SMIM23: variants seen among roughly 807,000 people sequenced by gnomAD.
SMIM23 encodes CTB-78H18.1.
Under a neutral mutation model 12.8 loss-of-function variants are expected in SMIM23, and 10 were observed. The ratio of observed to expected loss-of-function variants is 0.78; its 90% CI spans 0.48 to 1.32. The LOEUF (loss-of-function observed/expected upper bound fraction) is 1.32. SMIM23 is among the 40% of genes most tolerant of loss of function. The pLI, the probability that SMIM23 is intolerant of heterozygous loss-of-function variation, is 0.00. For synonymous variants in SMIM23, 78 were observed against 80.1 expected (o/e 0.97, Z 0.14); for missense variants, 184 against 198.2 (o/e 0.93, Z 0.43).
chr5:171,778,387 A>G (rs1309071239), upstream of SMIM23, among the ~76,000 whole-genome samples: 1 of 150,242 alleles, frequency 6.7e-6, no homozygotes, highest in Non-Finnish European at 1.5e-5. Flanking sequence ...ATTTTCCTGG[A>G]TTATCCAAAG....
At chr5:171,774,636 G>T in the SMIM23 span, 3 of 431,698 alleles carry the variant, frequency 6.9e-6, no homozygotes, top group Non-Finnish European at 1.4e-5. Context: ...TCCTTCACAG[G>T]CTCCTTTGAA....
chr5:171,790,412 G>C, intron 2 of SMIM23, 70 bp from the exon 3 acceptor site: 1 of 1,519,956 alleles, frequency 6.6e-7, no homozygotes, highest in Non-Finnish European at 8.8e-7. Context: ...ATCACACTGG[G>C]ATAACTAACC....
upstream of SMIM23, among the ~76,000 whole-genome samples, chr5:171,778,872 G>A (rs1216106766): frequency 6.6e-6 from 1 of 152,194 alleles, no homozygotes; most frequent in Non-Finnish European, 1.5e-5. Flanking sequence ...TCTGCCTGTG[G>A]TATGCCCCTG....
At chr5:171,774,622 C>G in the SMIM23 span, 1 of 453,526 alleles carries the variant, frequency 2.2e-6, no homozygotes, top group Non-Finnish European at 4.4e-6. Context: ...CCCCACCCTC[C>G]AATTCCTTCA....
chr5:171,791,104 T>G lies in SMIM23; in HGVS notation c.*16T>G. ...AGAGCTCTGACTCTTGAAGTTCCAG[T>G]CAGGCAAGAAAATAAAGTAGTTGGG... On this transcript the variant is annotated 3_prime_UTR_variant, in exon 4 of 4. Transcript: ENST00000523047. The G allele has an allele frequency of 6.8e-7, 1 of 1,460,400 alleles. No homozygotes were observed. Among genetic ancestry groups the G allele is most frequent in the Non-Finnish European group, 9.0e-7 (1 of 1,113,590 alleles). 90.5% of individuals were successfully genotyped at this position (1,460,400 alleles called of 1,614,324 possible).
chr5:171,776,524 A>C, the SMIM23 span, among the ~76,000 whole-genome samples: 4 of 151,994 alleles, frequency 2.6e-5, no homozygotes, highest in Non-Finnish European at 5.9e-5. Context: ...CACATTTCAC[A>C]CCCACATGCA....
upstream of SMIM23, among the ~76,000 whole-genome samples, chr5:171,785,477 G>C (rs1755797979): frequency 6.7e-6 from 1 of 150,130 alleles, no homozygotes; most frequent in Non-Finnish European, 1.5e-5. Context: ...TCAAACTTCT[G>C]GACTCAAGCA....
At chr5:171,786,225 C>T (rs895863039) in intron 1 of SMIM23, among the ~76,000 whole-genome samples, 2 of 152,126 alleles carry the variant, frequency 1.3e-5, no homozygotes, top group Non-Finnish European at 2.9e-5. Context: ...TTGTTTAGTT[C>T]CCTGCTGAAT....
At chr5:171,785,719 A>G (rs895160578), upstream of SMIM23, 3 of 574,662 alleles carry the variant, frequency 5.2e-6, no homozygotes, top group Non-Finnish European at 3.1e-6. Flanking sequence ...ACTAAAAATC[A>G]GGGTGGTGGA....
the SMIM23 span, chr5:171,773,563 C>A: frequency 3.0e-6 from 1 of 337,760 alleles, no homozygotes; most frequent in Non-Finnish European, 5.7e-6. Flanking sequence ...GGTGCCCTCA[C>A]GGGGCAGACT....
chr5:171,784,860 AACT>A (rs1055696232), upstream of SMIM23, among the ~76,000 whole-genome samples: 6 of 152,354 alleles, frequency 3.9e-5, no homozygotes, highest in Admixed American at 3.9e-4. Flanking sequence ...AAAAAGAATG[AACT>A]ACTGATACAT....
rs1755911874 is a variant in SMIM23, at chr5:171,790,918, C to G, written c.349C>G (p.Leu117Val). Reference sequence around the variant, plus strand: ...GGAAGAGGTGCAGCAGCTGGAGCAGCTAGCGTGGGACCTGGAACTGTGGCT... The same window carrying G: ...GGAAGAGGTGCAGCAGCTGGAGCAGGTAGCGTGGGACCTGGAACTGTGGCT... ...LEEEVQQLEQLAWDLELWLDA... is the reference protein window; with the variant it reads ...LEEEVQQLEQVAWDLELWLDA... The change falls in exon 4 of 4, where the codon CTA becomes GTA. Residue 117 changes from leucine to valine, a missense_variant. By Grantham distance (32) the Leu-to-Val change is conservative. Transcript: ENST00000523047. 4 of 1,536,026 alleles carry G rather than the reference C, an allele frequency of 2.6e-6. No homozygotes were observed. Among genetic ancestry groups the G allele is most frequent in the Non-Finnish European group, 3.5e-6 (4 of 1,146,934 alleles).
chr5:171,785,846 C>T lies in SMIM23; in HGVS notation c.-26C>T. The T allele has an allele frequency of 6.5e-7, 1 of 1,528,438 alleles. No individual in the cohort carries two copies. The highest frequency in any genetic ancestry group is 8.8e-7 in the Non-Finnish European group (1 of 1,139,962). The allele number at this position is 1,528,438 out of a possible 1,614,324, so 94.7% of individuals were successfully genotyped here. On this transcript the variant is annotated 5_prime_UTR_variant, in exon 1 of 4. Transcript: ENST00000523047. ...TGCCCTTCTGTCTGTTGAGTGTGGTCCACCCAGGCAGCCAGATCTGAGGCC... is the reference window on the plus strand; with the variant it reads ...TGCCCTTCTGTCTGTTGAGTGTGGTTCACCCAGGCAGCCAGATCTGAGGCC...
upstream of SMIM23, among the ~76,000 whole-genome samples, chr5:171,781,486 CTG>C (rs565625276): frequency 3.3e-5 from 5 of 152,230 alleles, no homozygotes; most frequent in African/African-American, 1.2e-4. Context: ...GCAAGCCTAA[CTG>C]TAAAATTCTG....
rs1027651682 is a variant in SMIM23 at position 171,790,516 on chromosome 5, A to C, written c.192A>C (p.Glu64Asp). 4 of 1,536,790 alleles carry C rather than the reference A, an allele frequency of 2.6e-6. No individual in the cohort carries two copies. Among genetic ancestry groups the C allele is most frequent in the South Asian group, 2.4e-5 (2 of 84,050 alleles). The change falls in exon 3 of 4, where the codon GAA becomes GAC. Residue 64 changes from glutamate to aspartate, a missense_variant. Transcript: ENST00000523047. ...GGGAGGTGTCAGAAAGGATCAGAGA[A>C]TGTAACTACTACCAGAATCTTGCAG... ...SSWEVSERIRECNYYQNLAVP... is the reference protein window; with the variant it reads ...SSWEVSERIRDCNYYQNLAVP...
upstream of SMIM23, among the ~76,000 whole-genome samples, chr5:171,783,525 C>G: frequency 6.6e-6 from 1 of 152,134 alleles, no homozygotes; most frequent in East Asian, 1.9e-4. Context: ...AAAAATTAAC[C>G]TTAAACTCCA....
chr5:171,787,660 A>G (rs7701675), intron 1 of SMIM23, among the ~76,000 whole-genome samples: 20,970 of 152,230 alleles, frequency 0.14, 3,882 homozygotes, highest in African/African-American at 0.42. Flanking sequence ...AAGAAAAAGG[A>G]CCCTAATATT....
intron 1 of SMIM23, 61 bp from the exon 2 acceptor site, chr5:171,790,169 G>A: frequency 6.7e-7 from 1 of 1,491,652 alleles, no homozygotes; most frequent in African/African-American, 1.4e-5. Context: ...GATGGAAGCA[G>A]GGGGACCTGG....
Position 171,791,037 on chromosome 5 carries a change from C to A in SMIM23, c.468C>A (p.His156Gln). The change falls in exon 4 of 4, where the codon CAC becomes CAA. Residue 156 changes from histidine (H) to glutamine (Q), a missense_variant. Coordinates refer to ENST00000523047, the MANE Select transcript of SMIM23 (RefSeq NM_001289970.2). ...GGGCCTGGGCCCTGGGGAGAGAGCACAAAGGTGGGGAGGGGTTGCTAGAGA... is the reference window on the plus strand; with the variant it reads ...GGGCCTGGGCCCTGGGGAGAGAGCAAAAAGGTGGGGAGGGGTTGCTAGAGA... ...WEWAWALGREHKGGEGLLEIS... is the reference protein window; with the variant it reads ...WEWAWALGREQKGGEGLLEIS... 6.5e-7 allele frequency: 1 copy of A among 1,531,828 alleles called. No homozygotes were observed. The highest frequency in any genetic ancestry group is 1.2e-5 in the South Asian group (1 of 83,800). 94.9% of individuals were successfully genotyped at this position (1,531,828 alleles called of 1,614,324 possible).
Sources: allele counts gnomAD v4.1 joint callset (sites outside exome capture counted in the v4.1 genomes callset), GRCh38; gene constraint gnomAD v4.1.1; transcripts MANE v1.5; gene names NCBI Gene and HGNC (gene_info 2026-07-23, HGNC 2026-07-21).